The following SLC11A2 variants were observed in gnomAD, a reference collection of about 807,000 sequenced individuals.
SLC11A2 encodes the protein solute carrier family 11 member 2, also known as natural resistance-associated macrophage protein 2.
A neutral mutation model predicts 68.0 loss-of-function variants in SLC11A2; 38 were observed. That is an observed-to-expected ratio of 0.56 (90% CI 0.43 to 0.73). The LOEUF is 0.73. Among genes scored for constraint, SLC11A2 ranks in the 30% least tolerant of loss-of-function variants. SLC11A2 has a pLI of 0.00. For missense variants in SLC11A2, 517 were observed against 690.5 expected (o/e 0.75, Z 2.82); for synonymous variants, 242 against 250.6 (o/e 0.97, Z 0.32).
intron 3 of SLC11A2, among the ~76,000 whole-genome samples, chr12:51,007,572 TG>T (rs1477810844): frequency 1.3e-5 from 2 of 152,070 alleles, no homozygotes; most frequent in South Asian, 4.1e-4. Context: ...TAACCTCAGG[TG>T]ATCTGCCCAT....
chr12:50,964,085 T>C, the SLC11A2 span, among the ~76,000 whole-genome samples: 3 of 152,202 alleles, frequency 2.0e-5, no homozygotes, highest in African/African-American at 7.2e-5. Context: ...TCCTGAGATA[T>C]AAGGTTGAAT....
At chr12:51,002,884 G>A (rs531012744) in intron 5 of SLC11A2, among the ~76,000 whole-genome samples, 1 of 151,214 alleles carries the variant, frequency 6.6e-6, no homozygotes, top group East Asian at 2.0e-4. Context: ...AGGTTGTGGT[G>A]AGCTGAGATC....
downstream of SLC11A2, among the ~76,000 whole-genome samples, chr12:50,977,587 C>G (rs1351225394): frequency 6.6e-6 from 1 of 152,084 alleles, no homozygotes; most frequent in Non-Finnish European, 1.5e-5. Context: ...TAGGCATGGG[C>G]AAGGACTTCA....
chr12:50,970,493 A>G, the SLC11A2 span: 1 of 1,531,366 alleles, frequency 6.5e-7, no homozygotes, highest in South Asian at 1.2e-5. Flanking sequence ...TTCTTCAGTG[A>G]GTCCAAAAAA....
downstream of SLC11A2, chr12:50,980,501 AT>A (rs1413766905): frequency 6.6e-6 from 1 of 151,878 alleles, no homozygotes; most frequent in Non-Finnish European, 1.5e-5. Context: ...TCTCAAAAAA[AT>A]AACAACAAAC....
rs187370307 is a variant in SLC11A2, at chr12:50,996,066, T to C, written c.832-279A>G. Among the ~76,000 whole-genome samples the C allele has an allele frequency of 1.5e-3, 227 of 152,312 alleles. 1 individual carries two copies. Among genetic ancestry groups the C allele is most frequent in the African/African-American group, 5.0e-3 (206 of 41,562 alleles). ...TGAGCTCTCAGTTACTCTCAGTGGC[T>C]GGAAGGACCACTGACCTATAAAAAC... On this transcript the variant is annotated intron_variant, in intron 9 of 15. Coordinates refer to ENST00000262052, the MANE Select transcript of SLC11A2 (RefSeq NM_000617.3).
the SLC11A2 span, among the ~76,000 whole-genome samples, chr12:50,967,915 C>G: frequency 6.6e-6 from 1 of 152,102 alleles, no homozygotes; most frequent in Non-Finnish European, 1.5e-5. Context: ...GGCGAATACC[C>G]TATCTCTACA....
chr12:51,004,528 A>G (rs1213958246), intron 5 of SLC11A2, among the ~76,000 whole-genome samples: 1 of 152,210 alleles, frequency 6.6e-6, no homozygotes, highest in Non-Finnish European at 1.5e-5. Flanking sequence ...TAGATACTGG[A>G]AGCCAGAGTG....
At chr12:51,009,195 C>A in intron 2 of SLC11A2, 3 of 1,482,182 alleles carry the variant, frequency 2.0e-6, no homozygotes. Context: ...TGCCACAGTT[C>A]AGGCTAAACT....
chr12:51,016,681 C>A (rs1241475475), intron 1 of SLC11A2, among the ~76,000 whole-genome samples: 105 of 123,330 alleles, frequency 8.5e-4, no homozygotes, highest in Middle Eastern at 4.1e-3. Flanking sequence ...GACTCCATCT[C>A]AAAAAAAAAA....
chr12:51,012,579 G>A (rs1001689491), intron 1 of SLC11A2, among the ~76,000 whole-genome samples: 1 of 152,112 alleles, frequency 6.6e-6, no homozygotes, highest in African/African-American at 2.4e-5. Flanking sequence ...TCTACTTGCT[G>A]TTTCAGGTTT....
rs1340879882 is a variant in SLC11A2, at chr12:50,987,532, A to G, written c.*793T>C. ...GGAGAAAGAAAGTTAAGGTTTTACA[A>G]CCACATGTGCTCAAGAGTAAATATC... On this transcript the variant is annotated 3_prime_UTR_variant, in exon 16 of 16. Coordinates refer to ENST00000262052, the MANE Select transcript of SLC11A2 (RefSeq NM_000617.3). 3 of 1,287,256 alleles carry G rather than the reference A, an allele frequency of 2.3e-6. No individual in the cohort carries two copies. Among genetic ancestry groups the G allele is most frequent in the Non-Finnish European group, 2.0e-6 (2 of 988,696 alleles). The allele number at this position is 1,287,256 out of a possible 1,614,324, so 79.7% of individuals were successfully genotyped here. A position where few individuals can be genotyped will look rare whatever the true frequency, so the allele number is the denominator to read the frequency against.
chr12:50,991,023 A>T, intron 14 of SLC11A2, 75 bp from the exon 15 acceptor site: 1 of 1,283,544 alleles, frequency 7.8e-7, no homozygotes, highest in Admixed American at 1.7e-5. Context: ...ACAGGATGGG[A>T]ATTAGAGGCA....
rs951922041 is a variant in SLC11A2, at chr12:51,015,201, C to A, written c.-38-4435G>T. On this transcript the variant is annotated intron_variant, in intron 1 of 15. Coordinates refer to ENST00000262052, the MANE Select transcript of SLC11A2 (RefSeq NM_000617.3). ...TTAATAAAACTAGGGAGGGGCCGGG[C>A]GCAGTGGCTCACACCTGTAATCCCA... Among the ~76,000 whole-genome samples the A allele has an allele frequency of 2.1e-5, 3 of 140,432 alleles. No homozygotes were observed. In the South Asian group the frequency reaches 6.7e-4, roughly 32 times the overall value. 92.1% of individuals were successfully genotyped at this position (140,432 alleles called of 152,430 possible). A position where few individuals can be genotyped will look rare whatever the true frequency, so the allele number is the denominator to read the frequency against.
chr12:50,952,670 G>A, the SLC11A2 span, among the ~76,000 whole-genome samples: 2 of 152,228 alleles, frequency 1.3e-5, no homozygotes, highest in Non-Finnish European at 2.9e-5. Flanking sequence ...CGCGTGTGCA[G>A]CTCGAGGCTT....
At chr12:50,973,083 A>T in the SLC11A2 span, among the ~76,000 whole-genome samples, 1 of 152,142 alleles carries the variant, frequency 6.6e-6, no homozygotes, top group African/African-American at 2.4e-5. Flanking sequence ...TAGCCAAACA[A>T]AAGGCAGCAG....
At chr12:51,023,214 A>T (rs1034417494) in intron 1 of SLC11A2, among the ~76,000 whole-genome samples, 3 of 152,254 alleles carry the variant, frequency 2.0e-5, no homozygotes, top group African/African-American at 7.2e-5. Context: ...TGGGAGGCCA[A>T]GGCAGGAAGA....
rs1265477332 is a variant in SLC11A2, at chr12:50,987,992, A to T, written c.*333T>A. ...TTGCATTTTCCAATTTTTTTTTAACATATAGCCTGGTTAAGAATCATGCAT... is the reference window on the plus strand; with the variant it reads ...TTGCATTTTCCAATTTTTTTTTAACTTATAGCCTGGTTAAGAATCATGCAT... On this transcript the variant is annotated 3_prime_UTR_variant, in exon 16 of 16. Coordinates refer to ENST00000262052, the MANE Select transcript of SLC11A2 (RefSeq NM_000617.3). 6 of 1,317,454 alleles carry T rather than the reference A, an allele frequency of 4.6e-6. No homozygotes were observed. The South Asian group carries it at 7.4e-5, about 16-fold the overall frequency. The allele number at this position is 1,317,454 out of a possible 1,614,324, so 81.6% of individuals were successfully genotyped here.
At chr12:51,026,229 G>C (rs1944377572) in intron 1 of SLC11A2, 81 bp downstream of exon 1, 1 of 1,218,336 alleles carries the variant, frequency 8.2e-7, no homozygotes, top group South Asian at 1.3e-5. Flanking sequence ...CCTGACCCCC[G>C]ACACAGGCCC....
Sources: allele counts gnomAD v4.1 joint callset (sites outside exome capture counted in the v4.1 genomes callset), GRCh38; gene constraint gnomAD v4.1.1; transcripts MANE v1.5; gene names NCBI Gene and HGNC (gene_info 2026-07-23, HGNC 2026-07-21).